Variants in TRPM1 observed in about 807,000 individuals in gnomAD.
TRPM1 encodes transient receptor potential cation channel subfamily M member 1.
TRPM1 carries 113 observed loss-of-function variants against 149.4 expected under a neutral mutation model. That is an observed-to-expected ratio of 0.76 (90% CI 0.65 to 0.88). The LOEUF (loss-of-function observed/expected upper bound fraction) is 0.88, where lower values mean the gene tolerates loss of function less well. Among genes scored for constraint, TRPM1 ranks in the 40% least tolerant of loss-of-function variants. The pLI is 0.00. For synonymous variants in TRPM1, 741 were observed against 759.5 expected (o/e 0.98, Z 0.40); for missense variants, 1,976 against 2,038.7 (o/e 0.97, Z 0.59).
chr15:31,001,808 A>T lies in TRPM1; in HGVS notation c.*14T>A. On this transcript the variant is annotated 3_prime_UTR_variant, in exon 28 of 28. Coordinates refer to ENST00000256552, the MANE Select transcript of TRPM1 (RefSeq NM_001252024.2). The stretch of plus-strand genomic sequence containing the variant: ...TCTGACTGTTAAAAAAAAAAATTAA[A>T]GAAACAAAACAGACTAGCATTCAGT... 1 of 1,604,404 alleles carries T rather than the reference A, an allele frequency of 6.2e-7. No homozygotes were observed. Among genetic ancestry groups the T allele is most frequent in the African/African-American group, 1.3e-5 (1 of 74,712 alleles).
intron 21 of TRPM1, 107 bp from the exon 22 acceptor site, chr15:31,033,047 C>T: frequency 6.7e-7 from 1 of 1,498,724 alleles, no homozygotes; most frequent in Non-Finnish European, 9.2e-7. Flanking sequence ...CATCTGGCCC[C>T]TTTCCTACTC....
upstream of TRPM1, among the ~76,000 whole-genome samples, chr15:31,104,645 G>C (rs1039516133): frequency 3.6e-5 from 5 of 139,918 alleles, no homozygotes; most frequent in African/African-American, 8.2e-5. Context: ...CCAGGCTGGA[G>C]TGCAGTGGCG....
chr15:31,035,795 T>C, intron 20 of TRPM1, 121 bp from the exon 21 acceptor site: 1 of 1,431,394 alleles, frequency 7.0e-7, no homozygotes, highest in South Asian at 1.2e-5. Context: ...CTGGACTGAC[T>C]CATTGAGAGG....
chr15:31,150,182 A>G (rs2036280661), intron 1 of TRPM1, among the ~76,000 whole-genome samples: 1 of 152,140 alleles, frequency 6.6e-6, no homozygotes, highest in Admixed American at 6.6e-5. Context: ...GGTTTCTTCT[A>G]TAGGTGACTC....
intron 1 of TRPM1, among the ~76,000 whole-genome samples, chr15:31,085,031 A>G (rs1251645299): frequency 1.3e-5 from 2 of 152,234 alleles, no homozygotes; most frequent in East Asian, 1.9e-4. Flanking sequence ...ATGGCTAGGA[A>G]AAAAGGAAGC....
intron 1 of TRPM1, among the ~76,000 whole-genome samples, chr15:31,121,862 A>T (rs868390946): frequency 6.6e-6 from 1 of 152,168 alleles, no homozygotes; most frequent in Non-Finnish European, 1.5e-5. Flanking sequence ...AAGACATTAT[A>T]AGAAAAAAAA....
At position 31,063,285 on chromosome 15, in the gene TRPM1, C is replaced by A. The variant is rs2034286498; in HGVS notation, c.798G>T (p.Gly266=). The A allele has an allele frequency of 6.8e-6, 11 of 1,614,060 alleles. No homozygotes were observed. The East Asian group carries it at 2.5e-4, about 36-fold the overall frequency. The stretch of plus-strand genomic sequence containing the variant: ...CGAGACCCACGAGGGGCACGCCCTG[C>A]CCCAGTCCTGCAACACAAACCACAT... ...ISLQKINTRL[G]QGVPLVGLVV... Residue 266 remains glycine, a synonymous_variant, in exon 8 of 28, where the codon GGG becomes GGT. Transcript: ENST00000256552.
Position 31,040,438 on chromosome 15 carries a change from G to A in TRPM1, c.2088-92C>T, listed in dbSNP as rs374255218. 2,828 of 1,034,846 alleles carry A rather than the reference G, an allele frequency of 2.7e-3. 81 individuals are homozygous for A. In the South Asian group the frequency reaches 0.035, roughly 13 times the overall value. 64.1% of individuals were successfully genotyped at this position (1,034,846 alleles called of 1,614,324 possible). A position where few individuals can be genotyped will look rare whatever the true frequency, so the allele number is the denominator to read the frequency against. ...ATCCACCAAGGACTTATGGAGCCAC[G>A]GGACACAGTATCCTTCACTGGAGGG... On this transcript the variant is annotated intron_variant, in intron 17 of 27. Coordinates refer to ENST00000256552, the MANE Select transcript of TRPM1 (RefSeq NM_001252024.2). The surrounding 1 kb of genome is among the most constrained non-coding windows in gnomAD (Gnocchi z 4.2).
chr15:31,122,647 A>G (rs889363830), intron 1 of TRPM1, among the ~76,000 whole-genome samples: 6 of 152,220 alleles, frequency 3.9e-5, no homozygotes, highest in Non-Finnish European at 8.8e-5. Flanking sequence ...ACATGAGGAA[A>G]ACTATAAAAC....
chr15:31,061,901 C>T (rs534149214), intron 9 of TRPM1, among the ~76,000 whole-genome samples: 4 of 152,044 alleles, frequency 2.6e-5, no homozygotes, highest in African/African-American at 2.4e-5. Flanking sequence ...TTGGCCAGGC[C>T]GGTCTCAAAC....
chr15:31,026,798 A>G, intron 26 of TRPM1, 117 bp downstream of exon 26: 1 of 1,057,496 alleles, frequency 9.5e-7, no homozygotes, highest in South Asian at 1.3e-5. Flanking sequence ...CAGCAGTTGG[A>G]CTGAGTGTGG....
chr15:31,005,761 A>T (rs2031967291), intron 27 of TRPM1, among the ~76,000 whole-genome samples: 1 of 152,246 alleles, frequency 6.6e-6, no homozygotes, highest in Non-Finnish European at 1.5e-5. Flanking sequence ...AATGATTAAC[A>T]TAAAGGACAA....
chr15:31,159,583 T>C (rs1413421444), intron 1 of TRPM1, among the ~76,000 whole-genome samples: 1 of 152,172 alleles, frequency 6.6e-6, no homozygotes, highest in African/African-American at 2.4e-5. Flanking sequence ...TATGCGCCTG[T>C]CCCCCACTGA....
Position 31,153,456 on chromosome 15 carries a change from T to G in TRPM1, c.54+7450A>C, listed in dbSNP as rs140332474. On this transcript the variant is annotated intron_variant, in intron 1 of 26. Coordinates refer to the TRPM1 transcript ENST00000542188. Reference sequence around the variant, plus strand: ...TCTCTTGTCTCACCCTCTTGAGTAGTGGGGATTACAGGAACCTGCCACCAT... The same window carrying G: ...TCTCTTGTCTCACCCTCTTGAGTAGGGGGGATTACAGGAACCTGCCACCAT... 3.3e-3 allele frequency among the ~76,000 whole-genome samples: 506 copies of G among 152,232 alleles called. 2 individuals carry two copies. Among genetic ancestry groups the G allele is most frequent in the Non-Finnish European group, 5.9e-3 (404 of 68,002 alleles).
intron 1 of TRPM1, among the ~76,000 whole-genome samples, chr15:31,144,712 A>AT (rs34583108): frequency 0.024 from 2,546 of 108,160 alleles, 74 homozygotes; most frequent in African/African-American, 0.063. Flanking sequence ...TGTTTTTGAG[A>AT]TTTTTTTTTT....
chr15:31,160,139 C>T (rs1395447997), intron 1 of TRPM1, among the ~76,000 whole-genome samples: 1 of 152,200 alleles, frequency 6.6e-6, no homozygotes, highest in Non-Finnish European at 1.5e-5. Context: ...CCTCCCACTG[C>T]ATGCGAGGGG....
chr15:31,062,632 G>T lies in TRPM1; in HGVS notation c.1036C>A (p.Gln346Lys), dbSNP rs1210417462. ...IQKTFNYNKA[Q>K]SHQLFAIIME... ...ATAATTGCAAACAGCTGATGTGATT[G>T]TGCCTTATTATAATTAAATGTTTTC... The change falls in exon 9 of 28, where the codon CAA (glutamine) becomes AAA (lysine). Residue 346 changes from glutamine to lysine, a missense_variant. By Grantham distance (53) the Gln-to-Lys change is moderately conservative (BLOSUM62 1). Around this residue, in one of 3 missense-constraint regions of TRPM1, gnomAD observed 1,332 missense variants for 1,347.1 expected, o/e 0.99. Transcript: ENST00000256552. The T allele has an allele frequency of 6.2e-7, 1 of 1,614,068 alleles. No homozygotes were observed. The highest frequency in any genetic ancestry group is 2.2e-5 in the East Asian group (1 of 44,880).
At chr15:31,117,785 G>A (rs2035822041) in intron 1 of TRPM1, among the ~76,000 whole-genome samples, 1 of 151,584 alleles carries the variant, frequency 6.6e-6, no homozygotes, top group Admixed American at 6.6e-5. Context: ...TAATCAAAAG[G>A]AAAAACTAAA....
At chr15:31,068,468 G>A (rs935437258) in intron 4 of TRPM1, among the ~76,000 whole-genome samples, 2 of 151,912 alleles carry the variant, frequency 1.3e-5, no homozygotes, top group Non-Finnish European at 2.9e-5. Flanking sequence ...AGGGCTGGGC[G>A]TGGTGGCTCA....
Sources: gnomAD v4.1 joint callset for allele counts (sites outside exome capture counted in the v4.1 genomes callset) on GRCh38, gnomAD v4.1.1 for gene constraint, gnomAD v4.1.1 regional missense constraint, Gnocchi (gnomAD v3.1) non-coding constraint, MANE v1.5 for transcripts, NCBI Gene and HGNC (gene_info 2026-07-23, HGNC 2026-07-21) for gene names.